The following DNAH11 variants were observed in gnomAD, a reference collection of about 807,000 sequenced individuals.
DNAH11 encodes dynein axonemal heavy chain 11, also known as axonemal beta dynein heavy chain 11.
Under a neutral mutation model 526.0 loss-of-function variants are expected in DNAH11, and 442 were observed. The ratio of observed to expected loss-of-function variants is 0.84; its 90% confidence interval spans 0.78 to 0.91. DNAH11 has a LOEUF of 0.91. DNAH11 is among the 40% of genes least tolerant of loss of function. DNAH11 has a pLI of 0.00. For synonymous variants in DNAH11, 2,461 were observed against 1,935.9 expected (o/e 1.27, Z -7.12); for missense variants, 6,989 against 5,448.7 (o/e 1.28, Z -8.90).
chr7:21,770,782 A>G (rs929377592), intron 55 of DNAH11, among the ~76,000 whole-genome samples: 8 of 152,308 alleles, frequency 5.3e-5, no homozygotes, highest in African/African-American at 1.9e-4. Flanking sequence ...GTATCTTACC[A>G]GATTTTTCAG....
intron 42 of DNAH11, among the ~76,000 whole-genome samples, chr7:21,715,129 T>C (rs1417925710): frequency 6.6e-6 from 1 of 152,236 alleles, no homozygotes; most frequent in East Asian, 1.9e-4. Context: ...CTGCCATTTT[T>C]CCAGGCCACG....
At chr7:21,544,470 G>A (rs2285947) in intron 1 of DNAH11, among the ~76,000 whole-genome samples, 67,307 of 151,966 alleles carry the variant, frequency 0.44, 15,245 homozygotes, top group Middle Eastern at 0.53. Flanking sequence ...TAGACAAGGC[G>A]ATAGAACACA....
At position 21,698,094 on chromosome 7, in the gene DNAH11, C is replaced by T. The variant is rs1449033217; in HGVS notation, c.6061C>T (p.Pro2021Ser). 3.7e-6 allele frequency: 6 copies of T among 1,612,730 alleles called. No homozygotes were observed. The highest frequency in any genetic ancestry group is 2.2e-5 in the East Asian group (1 of 44,848). The change falls in exon 36 of 82, where the codon CCT becomes TCT. Residue 2021 changes from proline to serine, a missense_variant. Pro to Ser is a moderately conservative substitution (Grantham distance 74, BLOSUM62 -1). Coordinates refer to ENST00000409508, the MANE Select transcript of DNAH11 (RefSeq NM_001277115.2). ...TTTTAGACCCTGTGCCATGGTGGCCCCTGACATTGAGCTAATCTGTGAAAT... is the reference window on the plus strand; with the variant it reads ...TTTTAGACCCTGTGCCATGGTGGCCTCTGACATTGAGCTAATCTGTGAAAT... Reference protein sequence around the residue: ...ALFRPCAMVAPDIELICEILL... With the variant: ...ALFRPCAMVASDIELICEILL...
intron 54 of DNAH11, among the ~76,000 whole-genome samples, chr7:21,755,212 C>A (rs1786576534): frequency 1.3e-5 from 2 of 152,356 alleles, no homozygotes; most frequent in South Asian, 4.1e-4. Flanking sequence ...TTCCCATTAA[C>A]AACCATCAGA....
intron 14 of DNAH11, among the ~76,000 whole-genome samples, chr7:21,592,013 A>G (rs1436801111): frequency 6.6e-6 from 1 of 152,158 alleles, no homozygotes; most frequent in Admixed American, 6.5e-5. Flanking sequence ...AGTTCCTAAA[A>G]CAGTAACAGG....
At chr7:21,589,521 T>G (rs749511507) in intron 12 of DNAH11, 118 bp downstream of exon 12, 1 of 795,402 alleles carries the variant, frequency 1.3e-6, no homozygotes, top group Non-Finnish European at 1.9e-6. Context: ...GTGAGGACTG[T>G]AACTGTAAAC....
At chr7:21,627,404 A>G (rs1346168552) in intron 25 of DNAH11, among the ~76,000 whole-genome samples, 1 of 152,114 alleles carries the variant, frequency 6.6e-6, no homozygotes. Flanking sequence ...GTAGTTTTAT[A>G]GTTTCAGGTC....
chr7:21,741,854 A>C (rs1316643959), intron 48 of DNAH11, 73 bp from the exon 49 acceptor site: 2 of 1,542,004 alleles, frequency 1.3e-6, no homozygotes, highest in Non-Finnish European at 1.8e-6. Flanking sequence ...GGAGGAGTGA[A>C]AAAAAATCAG....
At chr7:21,626,139 GATCT>G (rs2128456456) in intron 25 of DNAH11, among the ~76,000 whole-genome samples, 1 of 152,136 alleles carries the variant, frequency 6.6e-6, no homozygotes, top group East Asian at 1.9e-4. Flanking sequence ...CCACCCTACT[GATCT>G]ATCTAACACT....
chr7:21,599,889 A>G lies in DNAH11; in HGVS notation c.2770A>G (p.Met924Val), dbSNP rs761050674. ...IVVEGFFQAI[M>V]HDLDFFLKNT... Reference sequence around the variant, plus strand: ...GGTGGAAGGCTTTTTTCAGGCTATAATGCACGACTTAGACTTCTTTCTGAA... The same window carrying G: ...GGTGGAAGGCTTTTTTCAGGCTATAGTGCACGACTTAGACTTCTTTCTGAA... The change falls in exon 15 of 82, where the codon ATG becomes GTG. Residue 924 changes from methionine (M) to valine (V), a missense_variant. Transcript: ENST00000409508. 1 of 1,613,482 alleles carries G rather than the reference A, an allele frequency of 6.2e-7. No homozygotes were observed. The highest frequency in any genetic ancestry group is 8.5e-7 in the Non-Finnish European group (1 of 1,179,624).
chr7:21,592,475 G>A (rs1282627047), intron 14 of DNAH11, among the ~76,000 whole-genome samples: 1 of 152,152 alleles, frequency 6.6e-6, no homozygotes, highest in Non-Finnish European at 1.5e-5. Context: ...GGTAGTAGAG[G>A]GTGAGGTAGA....
In DNAH11 at chr7:21,742,140, C is replaced by T. The variant is rs1189032109; in HGVS notation, c.8128C>T (p.Leu2710=). Residue 2710 remains leucine (L), a synonymous_variant, in exon 49 of 82, where the codon CTG becomes TTG. Coordinates refer to ENST00000409508, the MANE Select transcript of DNAH11 (RefSeq NM_001277115.2). Reference sequence around the variant, plus strand: ...TATTAAATTCCACTACATCTTTAATCTGAGAGATTTATCAAACGTCTTCCA... The same window carrying T: ...TATTAAATTCCACTACATCTTTAATTTGAGAGATTTATCAAACGTCTTCCA... ...TAIKFHYIFN[L]RDLSNVFQGI... 2 of 1,613,822 alleles carry T rather than the reference C, an allele frequency of 1.2e-6. No homozygotes were observed. The highest frequency in any genetic ancestry group is 1.7e-5 in the Admixed American group (1 of 60,014).
intron 63 of DNAH11, among the ~76,000 whole-genome samples, chr7:21,811,130 C>T (rs763963896): frequency 3.3e-5 from 5 of 152,154 alleles, no homozygotes; most frequent in Non-Finnish European, 7.4e-5. Flanking sequence ...GTATGTGCTA[C>T]AACATGGATG....
rs151223097 is a variant in DNAH11, at chr7:21,800,952, C to G, written c.10027-185C>G. Among the ~76,000 whole-genome samples the G allele has an allele frequency of 4.7e-3, 712 of 152,280 alleles. 6 individuals are homozygous for G. The highest frequency in any genetic ancestry group is 0.017 in the African/African-American group (690 of 41,552). ...CGTGAACTGTTAGTTCATGGTGGCA[C>G]TGATGTGTTTATTTCATTATATCCT... On this transcript the variant is annotated intron_variant, in intron 61 of 81. Transcript: ENST00000409508.
chr7:21,612,122 G>T (rs1183044014), intron 20 of DNAH11, among the ~76,000 whole-genome samples: 1 of 152,032 alleles, frequency 6.6e-6, no homozygotes, highest in African/African-American at 2.4e-5. Context: ...ACTTAAAATG[G>T]ATAAATTTTT....
chr7:21,811,593 A>G (rs373145945), intron 63 of DNAH11, among the ~76,000 whole-genome samples: 9 of 152,294 alleles, frequency 5.9e-5, no homozygotes, highest in East Asian at 1.9e-4. Context: ...GTTATTGTTT[A>G]ATAGGTATGT....
intron 14 of DNAH11, among the ~76,000 whole-genome samples, chr7:21,597,376 T>C (rs2128445733): frequency 6.6e-6 from 1 of 152,290 alleles, no homozygotes; most frequent in Admixed American, 6.5e-5. Flanking sequence ...ACGCTGAATG[T>C]GTATTAGGTC....
At chr7:21,622,453 G>A (rs1786110679) in intron 25 of DNAH11, among the ~76,000 whole-genome samples, 1 of 152,120 alleles carries the variant, frequency 6.6e-6, no homozygotes, top group African/African-American at 2.4e-5. Flanking sequence ...TTTCTTCACA[G>A]AATTGGAAAA....
chr7:21,861,770 T>G (rs1488050280), intron 68 of DNAH11, 83 bp from the exon 69 acceptor site: 3 of 1,551,350 alleles, frequency 1.9e-6, no homozygotes, highest in Non-Finnish European at 2.6e-6. Flanking sequence ...AGATAAACCT[T>G]AAACTGTTGC....
Sources: gnomAD v4.1 joint callset for allele counts (sites outside exome capture counted in the v4.1 genomes callset) on GRCh38, gnomAD v4.1.1 for gene constraint, MANE v1.5 for transcripts, NCBI Gene and HGNC (gene_info 2026-07-23, HGNC 2026-07-21) for gene names.